SUGCT: variants seen among roughly 807,000 people sequenced by gnomAD.
SUGCT encodes the protein succinyl-CoA:glutarate-CoA transferase, also known as succinyl-CoA:glutarate CoA-transferase.
In SUGCT, 41 loss-of-function variants were observed where a neutral mutation model predicts 55.0. The observed-to-expected ratio is 0.74, with a 90% CI of 0.58 to 0.97. SUGCT has a LOEUF of 0.97. Among genes scored for constraint, SUGCT ranks in the 50% least tolerant of loss-of-function variants. The pLI is 0.00. For synonymous variants in SUGCT, 187 were observed against 200.4 expected (o/e 0.93, Z 0.56); for missense variants, 568 against 547.8 (o/e 1.04, Z -0.37).
chr7:40,618,361 G>T lies in SUGCT; in HGVS notation c.1089+121975G>T, dbSNP rs186476865. ...TCACAGTCCACATCTCACTCAACAG[G>T]AATTGCTGTAGCTTTACTGCCAAAA... On this transcript the variant is annotated intron_variant, in intron 12 of 13. Transcript: ENST00000335693. Among the ~76,000 whole-genome samples the T allele has an allele frequency of 4.8e-3, 726 of 152,244 alleles. 7 individuals carry two copies. Among genetic ancestry groups the T allele is most frequent in the Non-Finnish European group, 7.7e-3 (525 of 68,022 alleles).
chr7:40,704,828 A>G (rs919578488), intron 12 of SUGCT, among the ~76,000 whole-genome samples: 1 of 152,218 alleles, frequency 6.6e-6, no homozygotes, highest in African/African-American at 2.4e-5. Flanking sequence ...AGGTACTGCT[A>G]TCCTCGTTTC....
intron 7 of SUGCT, among the ~76,000 whole-genome samples, chr7:40,242,921 A>ATATATATATATATATATATATATATATG (rs1789512721): frequency 4.0e-5 from 1 of 25,146 alleles, no homozygotes; most frequent in African/African-American, 1.3e-4. Context: ...ATATATATAT[A>ATATATATATATATATATATATATATATG]TATATATATA....
At chr7:40,356,841 AAC>A (rs1177267731) in intron 9 of SUGCT, among the ~76,000 whole-genome samples, 9 of 152,224 alleles carry the variant, frequency 5.9e-5, no homozygotes, top group African/African-American at 2.2e-4. Flanking sequence ...AGAACAACTG[AAC>A]AGTATCCATC....
intron 12 of SUGCT, among the ~76,000 whole-genome samples, chr7:40,717,001 C>A (rs1786057998): frequency 6.6e-6 from 1 of 151,712 alleles, no homozygotes. Context: ...AAAAAAAAAC[C>A]AATATGATAG....
chr7:40,611,602 A>G (rs1226416038), intron 12 of SUGCT, among the ~76,000 whole-genome samples: 1 of 152,210 alleles, frequency 6.6e-6, no homozygotes, highest in Non-Finnish European at 1.5e-5. Flanking sequence ...TGAGTTAGGT[A>G]GTAAAATTGC....
chr7:40,560,288 A>G (rs1795769922), intron 12 of SUGCT, among the ~76,000 whole-genome samples: 1 of 152,130 alleles, frequency 6.6e-6, no homozygotes, highest in African/African-American at 2.4e-5. Flanking sequence ...ATATATATAC[A>G]TGTGCACATC....
chr7:40,625,756 C>T (rs186929944), intron 12 of SUGCT, among the ~76,000 whole-genome samples: 67 of 152,186 alleles, frequency 4.4e-4, no homozygotes, highest in Non-Finnish European at 8.8e-4. Flanking sequence ...AGCGGATTGG[C>T]GGGGTTTAAG....
chr7:40,678,359 G>A (rs1026843971), intron 12 of SUGCT, among the ~76,000 whole-genome samples: 2 of 152,138 alleles, frequency 1.3e-5, no homozygotes, highest in Non-Finnish European at 2.9e-5. Context: ...CTGTCCATGA[G>A]CAGGAATGAG....
chr7:40,505,438 C>T (rs1792535869), intron 12 of SUGCT, among the ~76,000 whole-genome samples: 1 of 151,980 alleles, frequency 6.6e-6, no homozygotes, highest in Non-Finnish European at 1.5e-5. Context: ...CCTCTGCTGC[C>T]ACTTTATTGC....
the SUGCT span, among the ~76,000 whole-genome samples, chr7:40,880,329 G>A: frequency 1.3e-5 from 2 of 152,144 alleles, no homozygotes; most frequent in South Asian, 2.1e-4. Context: ...TATACTCCCT[G>A]CTGCAAATGC....
chr7:40,730,479 A>C (rs1372860569), intron 12 of SUGCT, among the ~76,000 whole-genome samples: 3 of 152,226 alleles, frequency 2.0e-5, no homozygotes, highest in Admixed American at 6.5e-5. Context: ...TGGAATATGC[A>C]TAAATTGTGT....
chr7:40,545,041 C>T (rs1460012544), intron 12 of SUGCT, among the ~76,000 whole-genome samples: 3 of 152,160 alleles, frequency 2.0e-5, no homozygotes, highest in Non-Finnish European at 4.4e-5. Context: ...AGAATGTATT[C>T]CCAACTGGTA....
At chr7:40,585,028 C>A (rs563781442) in intron 12 of SUGCT, among the ~76,000 whole-genome samples, 44 of 152,214 alleles carry the variant, frequency 2.9e-4, no homozygotes, top group African/African-American at 9.9e-4. Flanking sequence ...TTAAACTCAC[C>A]CTTCAATAGT....
intron 9 of SUGCT, among the ~76,000 whole-genome samples, chr7:40,353,078 GA>G (rs1033128643): frequency 2.7e-4 from 41 of 152,078 alleles, no homozygotes; most frequent in Admixed American, 5.2e-4. Flanking sequence ...GTCTTCTTTT[GA>G]AAAGTGTCTG....
chr7:40,938,289 T>C, the SUGCT span, among the ~76,000 whole-genome samples: 1 of 152,212 alleles, frequency 6.6e-6, no homozygotes, highest in African/African-American at 2.4e-5. Flanking sequence ...TTTTATATCA[T>C]GTATCTTTTG....
intron 12 of SUGCT, among the ~76,000 whole-genome samples, chr7:40,676,923 G>GTGTGTC (rs1391653808): frequency 6.6e-6 from 1 of 151,778 alleles, no homozygotes; most frequent in Non-Finnish European, 1.5e-5. Flanking sequence ...GTGTGTGTGT[G>GTGTGTC]TGTGTGTGTG....
the SUGCT span, among the ~76,000 whole-genome samples, chr7:40,970,326 C>G: frequency 1.3e-5 from 2 of 152,270 alleles, no homozygotes; most frequent in South Asian, 2.1e-4. Flanking sequence ...CACTCGCCAC[C>G]ATGCCCAGCT....
At chr7:40,769,023 A>G (rs771602874) in intron 13 of SUGCT, among the ~76,000 whole-genome samples, 2 of 152,164 alleles carry the variant, frequency 1.3e-5, no homozygotes, top group Non-Finnish European at 2.9e-5. Flanking sequence ...GGGCAGAACT[A>G]GGGCTAATAA....
At chr7:40,716,107 A>G (rs577608836) in intron 12 of SUGCT, among the ~76,000 whole-genome samples, 14 of 152,302 alleles carry the variant, frequency 9.2e-5, no homozygotes, top group Admixed American at 6.5e-4. Flanking sequence ...TGTGAACTCA[A>G]TTGATGAGCT....
Sources: allele counts gnomAD v4.1 joint callset (sites outside exome capture counted in the v4.1 genomes callset), GRCh38; gene constraint gnomAD v4.1.1; transcripts MANE v1.5; gene names NCBI Gene and HGNC (gene_info 2026-07-23, HGNC 2026-07-21).